Variants in MED12L observed in about 807,000 individuals in gnomAD.
The protein encoded by MED12L is mediator complex subunit 12L.
MED12L carries 60 observed loss-of-function variants against 281.3 expected under a neutral mutation model. That is an observed-to-expected ratio of 0.21 (90% CI 0.17 to 0.26). The LOEUF (loss-of-function observed/expected upper bound fraction) is 0.26, where lower values mean the gene tolerates loss of function less well. Among genes scored for constraint, MED12L ranks in the 10% least tolerant of loss-of-function variants. MED12L has a pLI of 1.00. For missense variants in MED12L, 2,146 were observed against 2,680.9 expected (o/e 0.80, Z 4.41); for synonymous variants, 974 against 987.2 (o/e 0.99, Z 0.25).
chr3:151,147,696 C>T (rs1218561314), intron 5 of MED12L, among the ~76,000 whole-genome samples: 1 of 152,176 alleles, frequency 6.6e-6, no homozygotes, highest in African/African-American at 2.4e-5. Context: ...GTACTTCATT[C>T]TCTCTTAGGG....
chr3:151,435,705 C>A lies in MED12L; in HGVS notation c.*2901C>A, dbSNP rs1312203253. The A allele has an allele frequency of 1.3e-5, 2 of 152,162 alleles. No individual in the cohort carries two copies. The highest frequency in any genetic ancestry group is 1.9e-4 in the East Asian group (1 of 5,174). 9.4% of individuals were successfully genotyped at this position (152,162 alleles called of 1,614,324 possible). ...CCCCACCCCTAGATTTAGATAAGAT[C>A]AATCATTTAATATTCCCCAAATTAA... is the stretch of plus-strand genomic sequence containing the variant. On this transcript the variant is annotated 3_prime_UTR_variant, in exon 45 of 45. Transcript: ENST00000687756.
intron 16 of MED12L, among the ~76,000 whole-genome samples, chr3:151,227,825 G>GT (rs1380767858): frequency 6.6e-6 from 1 of 152,208 alleles, no homozygotes; most frequent in Non-Finnish European, 1.5e-5. Context: ...ACTGTTAACT[G>GT]TTTTTTTCGG....
intron 25 of MED12L, among the ~76,000 whole-genome samples, chr3:151,369,230 A>G (rs1376215957): frequency 6.6e-6 from 1 of 152,212 alleles, no homozygotes; most frequent in Admixed American, 6.5e-5. Flanking sequence ...CTGAGGAGGA[A>G]CGACATTGTT....
intron 43 of MED12L, among the ~76,000 whole-genome samples, chr3:151,417,552 C>T (rs1184354272): frequency 8.0e-6 from 1 of 124,552 alleles, no homozygotes; most frequent in African/African-American, 3.0e-5. Flanking sequence ...GCAGTGCGAT[C>T]TCAGCTCACT....
intron 16 of MED12L, chr3:151,294,341 A>C (rs747019751): frequency 1.2e-6 from 2 of 1,614,162 alleles, no homozygotes; most frequent in South Asian, 1.1e-5. Context: ...ACACGCAGAC[A>C]AGAAAAGTGT....
intron 16 of MED12L, 100 bp downstream of exon 16, chr3:151,193,766 G>C: frequency 9.3e-7 from 1 of 1,075,734 alleles, no homozygotes; most frequent in East Asian, 2.4e-5. Context: ...GACTAATAAT[G>C]ATAGCAGGTG....
At chr3:151,426,285 A>C (rs1014240390) in intron 43 of MED12L, among the ~76,000 whole-genome samples, 1 of 152,194 alleles carries the variant, frequency 6.6e-6, no homozygotes, top group African/African-American at 2.4e-5. Flanking sequence ...ATAATCCTTT[A>C]AATTTCCCCC....
chr3:151,141,865 A>T (rs1321084567), intron 5 of MED12L, among the ~76,000 whole-genome samples: 3 of 152,182 alleles, frequency 2.0e-5, no homozygotes, highest in Admixed American at 2.0e-4. Context: ...TTCTGTTAAG[A>T]ATCCATTGCT....
chr3:151,128,157 C>T (rs1714819967), intron 5 of MED12L, among the ~76,000 whole-genome samples, 173 bp downstream of exon 5: 1 of 152,124 alleles, frequency 6.6e-6, no homozygotes, highest in African/African-American at 2.4e-5. Context: ...GTCTCAGAAT[C>T]CTGACTCCAT....
intron 16 of MED12L, among the ~76,000 whole-genome samples, chr3:151,303,272 G>A (rs951614067): frequency 2.0e-5 from 3 of 152,142 alleles, no homozygotes; most frequent in Admixed American, 2.0e-4. Flanking sequence ...AACACGTACT[G>A]GGAAGAGTGG....
chr3:151,111,502 C>T (rs991001158), intron 2 of MED12L, among the ~76,000 whole-genome samples: 3 of 152,154 alleles, frequency 2.0e-5, no homozygotes, highest in Admixed American at 6.5e-5. Flanking sequence ...GGTTTAAATT[C>T]GAGCTGTCTG....
Position 151,373,561 on chromosome 3 carries a change from T to G in MED12L, c.3864+795T>G, listed in dbSNP as rs77308922. 5.4e-3 allele frequency among the ~76,000 whole-genome samples: 559 copies of G among 104,434 alleles called. 2 individuals are homozygous for G. The highest frequency in any genetic ancestry group is 7.0e-3 in the Non-Finnish European group (376 of 53,796). 68.5% of individuals were successfully genotyped at this position (104,434 alleles called of 152,430 possible). ...TACTATGATGGTTGCAAAATGGTGG[T>G]TTTTTTTTTTCCCCAACTTCTCCTC... On this transcript the variant is annotated intron_variant, in intron 27 of 44. Transcript: ENST00000687756.
chr3:151,203,679 A>G (rs746085427), intron 16 of MED12L, among the ~76,000 whole-genome samples: 2 of 152,006 alleles, frequency 1.3e-5, no homozygotes, highest in Admixed American at 6.5e-5. Flanking sequence ...CATTTTATTT[A>G]TCTTATTTTA....
chr3:151,339,787 T>A (rs1200690929), intron 16 of MED12L, among the ~76,000 whole-genome samples: 3 of 41,496 alleles, frequency 7.2e-5, no homozygotes, highest in East Asian at 1.4e-3. Context: ...TAGGCAGCTA[T>A]AATGAAAACT....
intron 12 of MED12L, 22 bp from the exon 13 acceptor site, chr3:151,188,329 TTTG>T (rs1723536472): frequency 1.3e-6 from 2 of 1,566,842 alleles, no homozygotes; most frequent in South Asian, 2.2e-5. Context: ...TGTAATTAAC[TTTG>T]TTATTTATTT....
intron 5 of MED12L, among the ~76,000 whole-genome samples, chr3:151,139,416 A>G (rs1026071814): frequency 1.3e-5 from 2 of 152,202 alleles, no homozygotes; most frequent in African/African-American, 4.8e-5. Flanking sequence ...CAGATTAAGG[A>G]GATGCATGTG....
At chr3:151,300,323 A>G in intron 16 of MED12L, 1 of 588,456 alleles carries the variant, frequency 1.7e-6, no homozygotes, top group African/African-American at 1.9e-5. Context: ...TTTGGAGATG[A>G]ACACCTGGGC....
intron 26 of MED12L, among the ~76,000 whole-genome samples, chr3:151,372,288 T>C (rs1256474731): frequency 1.3e-5 from 2 of 152,210 alleles, no homozygotes; most frequent in Admixed American, 1.3e-4. Context: ...TTACTTAGTG[T>C]GATTCATAAT....
chr3:151,161,076 T>C (rs527306962), intron 8 of MED12L, among the ~76,000 whole-genome samples: 1 of 152,156 alleles, frequency 6.6e-6, no homozygotes, highest in South Asian at 2.1e-4. Context: ...ATGATTGAGG[T>C]GTCATCAGAG....
Sources: gnomAD v4.1 joint callset for allele counts (sites outside exome capture counted in the v4.1 genomes callset) on GRCh38, gnomAD v4.1.1 for gene constraint, MANE v1.5 for transcripts, NCBI Gene and HGNC (gene_info 2026-07-23, HGNC 2026-07-21) for gene names.